RUNX3: variants seen among roughly 807,000 people sequenced by gnomAD.
The protein encoded by RUNX3 is RUNX family transcription factor 3.
In RUNX3, 10 loss-of-function variants were observed where a neutral mutation model predicts 27.7. That is an observed-to-expected ratio of 0.36 (90% CI 0.22 to 0.61). RUNX3 has a LOEUF of 0.61. RUNX3 is among the 20% of genes least tolerant of loss of function. The probability of loss-of-function intolerance (pLI) is 0.72; values close to 1 mark genes in which losing one functional copy is unlikely to be tolerated. For missense variants in RUNX3, 469 were observed against 629.5 expected, an observed-to-expected ratio of 0.75 and a Z score of 2.73; for synonymous variants, 270 against 269.2, an observed-to-expected ratio of 1.00 and a Z score of -0.03.
intron 1 of RUNX3, chr1:24,928,782 G>T: frequency 3.4e-6 from 1 of 293,320 alleles, no homozygotes; most frequent in East Asian, 1.2e-4. Context: ...ATTTAGAGTC[G>T]TCTTAATGGG....
At chr1:24,921,806 C>T (rs1641005967) in intron 2 of RUNX3, among the ~76,000 whole-genome samples, 1 of 152,182 alleles carries the variant, frequency 6.6e-6, no homozygotes, top group South Asian at 2.1e-4. Context: ...AGACTGGAGA[C>T]ACGGAGGACT....
chr1:24,944,141 G>T (rs1457096576), intron 2 of RUNX3, among the ~76,000 whole-genome samples: 1 of 152,154 alleles, frequency 6.6e-6, no homozygotes, highest in African/African-American at 2.4e-5. Context: ...CAGGGGCAGG[G>T]CTTGGGGGCC....
upstream of RUNX3, among the ~76,000 whole-genome samples, chr1:24,931,119 C>T (rs912591747): frequency 6.6e-6 from 1 of 152,218 alleles, no homozygotes; most frequent in Non-Finnish European, 1.5e-5. Context: ...GGTCCTGCAT[C>T]GTGAAACGGT....
At chr1:24,944,414 C>T (rs770021243) in intron 2 of RUNX3, among the ~76,000 whole-genome samples, 5 of 152,210 alleles carry the variant, frequency 3.3e-5, no homozygotes, top group African/African-American at 4.8e-5. Context: ...CTGCCTCCTC[C>T]AAGAGGCCTT....
At chr1:24,959,570 G>A (rs549585635) in intron 2 of RUNX3, among the ~76,000 whole-genome samples, 2 of 152,298 alleles carry the variant, frequency 1.3e-5, no homozygotes, top group South Asian at 4.1e-4. Flanking sequence ...GGGTTGCCTG[G>A]GATGAAGGGG....
intron 2 of RUNX3, among the ~76,000 whole-genome samples, chr1:24,964,118 C>G: frequency 6.6e-6 from 1 of 152,200 alleles, no homozygotes; most frequent in Non-Finnish European, 1.5e-5. Context: ...AAGTTGCCAG[C>G]AGTGACCTCC....
intron 2 of RUNX3, 43 bp from the exon 3 acceptor site, chr1:24,919,387 G>A (rs1368243227): frequency 7.5e-7 from 1 of 1,325,286 alleles, no homozygotes; most frequent in Admixed American, 1.7e-5. Flanking sequence ...GGCACCTGGA[G>A]CTTCCACAAT....
Position 24,901,018 on chromosome 1 carries a change from T to G in RUNX3, c.*1104A>C, listed in dbSNP as rs914462877. 18 of 143,284 alleles carry G rather than the reference T, an allele frequency of 1.3e-4. No individual in the cohort carries two copies. The highest frequency in any genetic ancestry group is 4.0e-4 in the African/African-American group (15 of 37,182). The allele number at this position is 143,284 out of a possible 1,614,324, so 8.9% of individuals were successfully genotyped here. The stretch of plus-strand genomic sequence containing the variant: ...AAAATCAGTTTTAAAAACTGTTTTG[T>G]TTTTTTTTTGTTTTTTTGTTTTTTT... On this transcript the variant is annotated 3_prime_UTR_variant, in exon 5 of 5. Transcript: ENST00000308873.
In RUNX3 at chr1:24,929,715, C is replaced by A; in HGVS notation, c.154G>T (p.Val52Leu). 1 of 1,530,394 alleles carries A rather than the reference C, an allele frequency of 6.5e-7. No homozygotes were observed. The highest frequency in any genetic ancestry group is 1.2e-5 in the South Asian group (1 of 81,800). 94.8% of individuals were successfully genotyped at this position (1,530,394 alleles called of 1,614,324 possible). A position where few individuals can be genotyped will look rare whatever the true frequency, so the allele number is the denominator to read the frequency against. ...VGPGGRARPE[V>L]RSMVDVLADH... Reference sequence around the variant, plus strand: ...GCCAGCACGTCCACCATCGAGCGCACCTCGGGCCGGGCGCGCCCTCCGGGC... The same window carrying A: ...GCCAGCACGTCCACCATCGAGCGCAACTCGGGCCGGGCGCGCCCTCCGGGC... The change falls in exon 1 of 5, where the codon GTG becomes TTG. Residue 52 changes from valine (V) to leucine (L), a missense_variant. Val to Leu is a conservative substitution (Grantham distance 32). Coordinates refer to ENST00000308873, the MANE Select transcript of RUNX3 (RefSeq NM_004350.3).
At chr1:24,950,429 C>T (rs890165587) in intron 2 of RUNX3, among the ~76,000 whole-genome samples, 12 of 152,330 alleles carry the variant, frequency 7.9e-5, no homozygotes, top group African/African-American at 2.4e-4. Flanking sequence ...AGACTGGACC[C>T]GGGCCCCAAG....
chr1:24,907,841 G>A (rs532762105), intron 3 of RUNX3, among the ~76,000 whole-genome samples: 23 of 149,646 alleles, frequency 1.5e-4, no homozygotes, highest in African/African-American at 4.7e-4. Flanking sequence ...TACAACACAC[G>A]GTGATCTAAA....
At chr1:24,903,540 T>C (rs1317682040) in intron 4 of RUNX3, among the ~76,000 whole-genome samples, 1 of 152,172 alleles carries the variant, frequency 6.6e-6, no homozygotes, top group Non-Finnish European at 1.5e-5. Flanking sequence ...GGGTGTTCCA[T>C]CCTCTGTCCC....
At chr1:24,964,015 T>TCTCCTCCCTC (rs1642188252) in intron 2 of RUNX3, among the ~76,000 whole-genome samples, 1 of 152,116 alleles carries the variant, frequency 6.6e-6, no homozygotes, top group Admixed American at 6.5e-5. Context: ...GTGGCTTCCT[T>TCTCCTCCCTC]CTCCTCCCTC....
chr1:24,923,334 G>C lies in RUNX3; in HGVS notation c.440-3990C>G, dbSNP rs1180021074. On this transcript the variant is annotated intron_variant, in intron 2 of 4. Transcript: ENST00000308873. The surrounding 1 kb of genome is among the most constrained non-coding windows in gnomAD (Gnocchi z 5.9). ...AGGGGTGGGAGAAAGCTGTCTCCCTGAGTGCCCCTCAGCTACCCCGGCCCT... is the reference window on the plus strand; with the variant it reads ...AGGGGTGGGAGAAAGCTGTCTCCCTCAGTGCCCCTCAGCTACCCCGGCCCT... Among the ~76,000 whole-genome samples the C allele has an allele frequency of 6.6e-6, 1 of 152,102 alleles. No individual in the cohort carries two copies. Among genetic ancestry groups the C allele is most frequent in the Admixed American group, 6.5e-5 (1 of 15,278 alleles).
upstream of RUNX3, chr1:24,930,394 T>C (rs1450697692): frequency 8.3e-6 from 2 of 242,182 alleles, no homozygotes; most frequent in Non-Finnish European, 1.3e-5. This position sits in a 1 kb window ranked among gnomAD's most constrained non-coding sequence, Gnocchi z 4.1. Context: ...TCGGTGGCGT[T>C]CGCGGGGAGG....
At position 24,927,432 on chromosome 1, in the gene RUNX3, A is replaced by T; in HGVS notation, c.439+142T>A. 1 of 756,198 alleles carries T rather than the reference A, an allele frequency of 1.3e-6. No individual in the cohort carries two copies. The highest frequency in any genetic ancestry group is 2.2e-6 in the Non-Finnish European group (1 of 445,564). 46.8% of individuals were successfully genotyped at this position (756,198 alleles called of 1,614,324 possible). ...TCCTCAAAGCGATCTGTAATATCCT[A>T]CAGGATTACAAATTGCTGTTTTTAG... On this transcript the variant is annotated intron_variant, in intron 2 of 4. Transcript: ENST00000308873. This position sits in a 1 kb window ranked among gnomAD's most constrained non-coding sequence, Gnocchi z 5.0.
At chr1:24,956,169 C>T (rs1187539292) in intron 2 of RUNX3, among the ~76,000 whole-genome samples, 1 of 152,252 alleles carries the variant, frequency 6.6e-6, no homozygotes, top group African/African-American at 2.4e-5. Context: ...GGGTGGCCAG[C>T]AGGGCCTTGC....
upstream of RUNX3, among the ~76,000 whole-genome samples, chr1:24,931,784 G>A (rs1032909553): frequency 6.6e-6 from 1 of 152,210 alleles, no homozygotes; most frequent in South Asian, 2.1e-4. Flanking sequence ...GGGAGAGCTG[G>A]CCCCTACCCA....
Position 24,909,634 on chromosome 1 carries a change from C to T in RUNX3, c.545-2217G>A, listed in dbSNP as rs895018332. 2.0e-5 allele frequency among the ~76,000 whole-genome samples: 3 copies of T among 152,240 alleles called. No individual in the cohort carries two copies. The East Asian group carries it at 5.8e-4, about 29-fold the overall frequency. ...TGCTGGCCACTGGAGGCACAGTTCA[C>T]TCCGCAGTCCTCTCCACCCACATTT... On this transcript the variant is annotated intron_variant, in intron 3 of 4. Coordinates refer to ENST00000308873, the MANE Select transcript of RUNX3 (RefSeq NM_004350.3).
Sources: allele counts gnomAD v4.1 joint callset (sites outside exome capture counted in the v4.1 genomes callset), GRCh38; gene constraint gnomAD v4.1.1; non-coding constraint Gnocchi (gnomAD v3.1); transcripts MANE v1.5; gene names NCBI Gene and HGNC (gene_info 2026-07-23, HGNC 2026-07-21).